Variants in MAD1L1 observed in about 807,000 individuals in gnomAD.
The protein encoded by MAD1L1 is mitotic spindle assembly checkpoint protein MAD1.
MAD1L1 carries 95 observed loss-of-function variants against 96.9 expected under a neutral mutation model. That is an observed-to-expected ratio of 0.98 (90% CI 0.83 to 1.16). MAD1L1 has a LOEUF of 1.16. MAD1L1 is among the 50% of genes most tolerant of loss of function. The probability of loss-of-function intolerance (pLI) is 0.00; values close to 1 mark genes in which losing one functional copy is unlikely to be tolerated. For synonymous variants in MAD1L1, 473 were observed against 396.6 expected (o/e 1.19, Z -2.29); for missense variants, 1,007 against 954.4 (o/e 1.06, Z -0.73).
chr7:1,981,859 A>C (rs1471670675), intron 14 of MAD1L1, among the ~76,000 whole-genome samples: 1 of 152,180 alleles, frequency 6.6e-6, no homozygotes, highest in Non-Finnish European at 1.5e-5. Flanking sequence ...TCTAATCACC[A>C]TATGTTACAT....
intron 12 of MAD1L1, among the ~76,000 whole-genome samples, chr7:2,047,913 GCA>G (rs1170329690): frequency 8.5e-5 from 13 of 152,066 alleles, no homozygotes; most frequent in African/African-American, 1.9e-4. Flanking sequence ...CATGCTCAAT[GCA>G]CAGTTCACAC....
chr7:1,980,607 G>T, intron 14 of MAD1L1, 66 bp from the exon 15 acceptor site: 2 of 1,356,672 alleles, frequency 1.5e-6, no homozygotes, highest in Non-Finnish European at 2.1e-6. Flanking sequence ...GGGAACCCCA[G>T]CCCAGGCCCC....
intron 12 of MAD1L1, among the ~76,000 whole-genome samples, chr7:2,031,897 C>T (rs573977291): frequency 9.8e-5 from 15 of 152,382 alleles, no homozygotes; most frequent in African/African-American, 3.4e-4. Flanking sequence ...TCTGGGGCCA[C>T]TACTCAGCCT....
chr7:1,835,570 A>T (rs1261900334), intron 18 of MAD1L1, among the ~76,000 whole-genome samples: 1 of 152,246 alleles, frequency 6.6e-6, no homozygotes, highest in African/African-American at 2.4e-5. Flanking sequence ...AAAATCTAAA[A>T]TACTTGGGAT....
chr7:2,209,540 A>T (rs982251467), intron 10 of MAD1L1, among the ~76,000 whole-genome samples: 1 of 152,140 alleles, frequency 6.6e-6, no homozygotes, highest in Non-Finnish European at 1.5e-5. Flanking sequence ...TCACATCCCC[A>T]TCGACCAAAA....
chr7:1,941,374 G>A (rs1175331557), intron 16 of MAD1L1, among the ~76,000 whole-genome samples: 1 of 152,222 alleles, frequency 6.6e-6, no homozygotes, highest in Non-Finnish European at 1.5e-5. Flanking sequence ...TTGAGGTCCA[G>A]GAAACAATTC....
At chr7:2,115,608 G>A (rs148800034) in intron 11 of MAD1L1, among the ~76,000 whole-genome samples, 1,815 of 151,646 alleles carry the variant, frequency 0.012, 25 homozygotes, top group African/African-American at 0.041. Context: ...GGGTCCCCGC[G>A]TGTTCCCCGG....
chr7:1,912,309 C>T (rs1465572936), intron 17 of MAD1L1, among the ~76,000 whole-genome samples: 1 of 152,218 alleles, frequency 6.6e-6, no homozygotes, highest in Non-Finnish European at 1.5e-5. Context: ...AAAAGGAAAA[C>T]TTAACCTATC....
rs770120301 is a variant in MAD1L1 at position 2,014,491 on chromosome 7, C to A, written c.1359+11G>T. On this transcript the variant is annotated intron_variant, in intron 13 of 18. Transcript: ENST00000265854. Reference sequence around the variant, plus strand: ...CCTGGCGACGTGAGCCCCACGCCCGCGGCCCCTCACCTCCATCTCGGCGCT... The same window carrying A: ...CCTGGCGACGTGAGCCCCACGCCCGAGGCCCCTCACCTCCATCTCGGCGCT... 1 of 1,560,954 alleles carries A rather than the reference C, an allele frequency of 6.4e-7. No individual in the cohort carries two copies.
intron 16 of MAD1L1, among the ~76,000 whole-genome samples, chr7:1,953,051 G>A (rs538059425): frequency 1.1e-4 from 17 of 152,302 alleles, no homozygotes; most frequent in East Asian, 3.9e-4. Context: ...CAGCTGCAGC[G>A]TTGGTGGCTT....
intron 16 of MAD1L1, among the ~76,000 whole-genome samples, chr7:1,939,133 G>A (rs1297910702): frequency 8.1e-6 from 1 of 123,680 alleles, no homozygotes; most frequent in Non-Finnish European, 1.6e-5. Flanking sequence ...CACACACACG[G>A]GCCAGGGCCG....
intron 11 of MAD1L1, among the ~76,000 whole-genome samples, chr7:2,125,677 C>T (rs1788199479): frequency 6.6e-6 from 1 of 152,176 alleles, no homozygotes. Flanking sequence ...CCCTCTCACC[C>T]AGAGGCAGGC....
At chr7:2,229,949 C>A in intron 3 of MAD1L1, 35 bp downstream of exon 3, 2 of 1,608,056 alleles carry the variant, frequency 1.2e-6, no homozygotes, top group Non-Finnish European at 1.7e-6. Context: ...AGGGTCTCCC[C>A]AGAGCAGACT....
At chr7:1,875,259 C>G (rs1192668764) in intron 18 of MAD1L1, among the ~76,000 whole-genome samples, 1 of 152,236 alleles carries the variant, frequency 6.6e-6, no homozygotes, top group Non-Finnish European at 1.5e-5. Context: ...CTGCGCTGTG[C>G]ACACCGAGGC....
intron 11 of MAD1L1, among the ~76,000 whole-genome samples, chr7:2,102,188 C>T (rs369278802): frequency 2.6e-4 from 38 of 145,808 alleles, no homozygotes; most frequent in African/African-American, 9.1e-4. Context: ...TCACCACAAC[C>T]ACCATCACCA....
chr7:2,053,250 G>A (rs4721347), intron 12 of MAD1L1, among the ~76,000 whole-genome samples: 103,500 of 152,044 alleles, frequency 0.68, 35,462 homozygotes, highest in South Asian at 0.8. Context: ...GTGAGTTTGG[G>A]GGCCGCGGAG....
At chr7:2,058,191 G>A (rs1175059995) in intron 12 of MAD1L1, among the ~76,000 whole-genome samples, 1 of 47,324 alleles carries the variant, frequency 2.1e-5, no homozygotes, top group Admixed American at 2.1e-4. Flanking sequence ...GTGGCCAGAG[G>A]AGAGGAGAGG....
In MAD1L1 at chr7:2,002,127, A is replaced by G. The variant is rs1247004701; in HGVS notation, c.1360-6T>C. On this transcript the variant is annotated splice_polypyrimidine_tract_variant and splice_region_variant and intron_variant, in intron 13 of 18. Coordinates refer to ENST00000265854, the MANE Select transcript of MAD1L1 (RefSeq NM_001013836.2). ...AGGGCCTGCGACAGCTGAGCCTGCA[A>G]GACAAGACAGGATTCGGCCTGAGAC... is the stretch of plus-strand genomic sequence containing the variant. The G allele has an allele frequency of 6.2e-7, 1 of 1,612,874 alleles. No homozygotes were observed. The highest frequency in any genetic ancestry group is 8.5e-7 in the Non-Finnish European group (1 of 1,179,942).
chr7:1,870,158 G>A (rs368497812), intron 18 of MAD1L1, among the ~76,000 whole-genome samples: 3 of 152,056 alleles, frequency 2.0e-5, no homozygotes, highest in Non-Finnish European at 4.4e-5. Flanking sequence ...GGCAGCTCAC[G>A]ATGTGTCACA....
Sources: allele counts gnomAD v4.1 joint callset (sites outside exome capture counted in the v4.1 genomes callset), GRCh38; gene constraint gnomAD v4.1.1; transcripts MANE v1.5; gene names NCBI Gene and HGNC (gene_info 2026-07-23, HGNC 2026-07-21).